The following L3MBTL4 variants were observed in gnomAD, a reference collection of about 807,000 sequenced individuals.
The protein encoded by L3MBTL4 is lethal(3)malignant brain tumor-like protein 4.
A neutral mutation model predicts 84.5 loss-of-function variants in L3MBTL4; 70 were observed. The ratio of observed to expected loss-of-function variants is 0.83; its 90% CI spans 0.68 to 1.01. The LOEUF is 1.01. Among genes scored for constraint, L3MBTL4 ranks in the 50% least tolerant of loss-of-function variants. L3MBTL4 has a pLI of 0.00. For synonymous variants in L3MBTL4, 274 were observed against 259.8 expected (o/e 1.05, Z -0.52); for missense variants, 715 against 754.8 (o/e 0.95, Z 0.62).
chr18:6,374,976 G>T (rs2054307546), intron 1 of L3MBTL4, among the ~76,000 whole-genome samples: 1 of 152,168 alleles, frequency 6.6e-6, no homozygotes, highest in South Asian at 2.1e-4. Context: ...ATATTCTGAA[G>T]AAATTCCCAA....
At chr18:6,391,033 A>G (rs1383562013) in intron 1 of L3MBTL4, among the ~76,000 whole-genome samples, 3 of 152,022 alleles carry the variant, frequency 2.0e-5, no homozygotes, top group African/African-American at 7.3e-5. Context: ...AACAAAAAAA[A>G]ACAAAAGTCT....
chr18:6,358,058 C>T (rs1335350650), intron 1 of L3MBTL4, among the ~76,000 whole-genome samples: 1 of 152,196 alleles, frequency 6.6e-6, no homozygotes, highest in Non-Finnish European at 1.5e-5. Flanking sequence ...GCCTACCCTT[C>T]CCCCATCAAG....
chr18:6,184,222 T>C (rs980490976), intron 12 of L3MBTL4, among the ~76,000 whole-genome samples: 5 of 152,240 alleles, frequency 3.3e-5, no homozygotes, highest in African/African-American at 1.2e-4. Context: ...AAATTGGTCA[T>C]ATAAATAATT....
intron 16 of L3MBTL4, among the ~76,000 whole-genome samples, chr18:6,018,069 G>A (rs2055081642): frequency 1.3e-5 from 2 of 152,142 alleles, no homozygotes; most frequent in South Asian, 4.1e-4. Context: ...TGCATAGTAA[G>A]GTATAAGAGC....
At chr18:6,029,835 T>G in intron 16 of L3MBTL4, 1 of 985,376 alleles carries the variant, frequency 1.0e-6, no homozygotes, top group African/African-American at 1.7e-5. Context: ...GCTGAGGAAA[T>G]GCCGAAAAGG....
At chr18:6,289,821 T>A (rs1054096741) in intron 4 of L3MBTL4, among the ~76,000 whole-genome samples, 2 of 152,244 alleles carry the variant, frequency 1.3e-5, no homozygotes, top group African/African-American at 4.8e-5. Flanking sequence ...GATTCTGTCC[T>A]CATGAATTGC....
chr18:6,072,084 T>C (rs2007368841), intron 16 of L3MBTL4, among the ~76,000 whole-genome samples: 1 of 152,186 alleles, frequency 6.6e-6, no homozygotes, highest in African/African-American at 2.4e-5. Flanking sequence ...AATACATATT[T>C]CAAAATGTTG....
At chr18:6,112,518 A>G (rs2059226537) in intron 14 of L3MBTL4, among the ~76,000 whole-genome samples, 1 of 152,082 alleles carries the variant, frequency 6.6e-6, no homozygotes, top group South Asian at 2.1e-4. Flanking sequence ...CTTCCAGCTT[A>G]CTCCCTGTGT....
rs1166659780 is a variant in L3MBTL4 at position 6,355,011 on chromosome 18, A to G, written c.-90-42955T>C. ...TGTTTGTTGTAGCACTGTTCACAAT[A>G]GCCAAAATTTGGAAGCAACCTAAGT... is the stretch of plus-strand genomic sequence containing the variant. On this transcript the variant is annotated intron_variant, in intron 1 of 18. Transcript: ENST00000317931. Among the ~76,000 whole-genome samples, 4 of 152,262 alleles carry G rather than the reference A, an allele frequency of 2.6e-5. No homozygotes were observed. The East Asian group carries it at 7.7e-4, about 29-fold the overall frequency.
chr18:6,408,037 G>A (rs1188864508), intron 1 of L3MBTL4, among the ~76,000 whole-genome samples: 1 of 152,106 alleles, frequency 6.6e-6, no homozygotes, highest in African/African-American at 2.4e-5. Context: ...CACACAAAAA[G>A]GAGGGTGTCC....
chr18:6,000,009 C>T (rs746095017), intron 16 of L3MBTL4, among the ~76,000 whole-genome samples: 31 of 151,972 alleles, frequency 2.0e-4, no homozygotes, highest in Non-Finnish European at 4.1e-4. Flanking sequence ...AGTTGGAAAG[C>T]CTAGCCCTCA....
chr18:6,195,239 T>A (rs1310946915), intron 12 of L3MBTL4, among the ~76,000 whole-genome samples: 1 of 152,046 alleles, frequency 6.6e-6, no homozygotes, highest in Non-Finnish European at 1.5e-5. Context: ...GTAACCAGGG[T>A]CTGTCCTGGC....
At chr18:6,048,788 C>CAA (rs34017015) in intron 16 of L3MBTL4, among the ~76,000 whole-genome samples, 69,919 of 140,164 alleles carry the variant, frequency 0.5, 17,813 homozygotes, top group African/African-American at 0.62. Flanking sequence ...GACTCCATCT[C>CAA]AAAAAAAAAA....
At chr18:6,122,823 T>A (rs537717451) in intron 14 of L3MBTL4, among the ~76,000 whole-genome samples, 29 of 152,342 alleles carry the variant, frequency 1.9e-4, no homozygotes, top group South Asian at 1.0e-3. Flanking sequence ...CCATGAGAAT[T>A]ATATATTTAA....
chr18:6,125,708 A>T (rs2059672486), intron 14 of L3MBTL4, among the ~76,000 whole-genome samples: 1 of 152,212 alleles, frequency 6.6e-6, no homozygotes, highest in East Asian at 1.9e-4. Context: ...GGAATTACAC[A>T]TGTGAGCCAC....
intron 1 of L3MBTL4, among the ~76,000 whole-genome samples, chr18:6,322,956 C>T (rs1232263502): frequency 6.6e-6 from 1 of 152,046 alleles, no homozygotes; most frequent in Non-Finnish European, 1.5e-5. Context: ...GGGCAGAATT[C>T]CCCCTTGGTA....
intron 16 of L3MBTL4, among the ~76,000 whole-genome samples, chr18:6,021,660 C>T (rs538885637): frequency 6.6e-6 from 1 of 152,248 alleles, no homozygotes; most frequent in South Asian, 2.1e-4. Context: ...GACACTGATC[C>T]TTGGGGTTTC....
At chr18:6,293,222 G>A (rs1162581999) in intron 4 of L3MBTL4, among the ~76,000 whole-genome samples, 2 of 152,058 alleles carry the variant, frequency 1.3e-5, no homozygotes, top group African/African-American at 4.8e-5. Flanking sequence ...AGAGGGCCTG[G>A]GAGCAATGAC....
At chr18:5,982,348 T>C (rs1341864728) in intron 16 of L3MBTL4, among the ~76,000 whole-genome samples, 2 of 152,204 alleles carry the variant, frequency 1.3e-5, no homozygotes, top group African/African-American at 4.8e-5. Context: ...TTCTTTACAG[T>C]GCAGAATAGA....
Sources: allele counts gnomAD v4.1 joint callset (sites outside exome capture counted in the v4.1 genomes callset), GRCh38; gene constraint gnomAD v4.1.1; transcripts MANE v1.5; gene names NCBI Gene and HGNC (gene_info 2026-07-23, HGNC 2026-07-21).